The following ZNF514 variants were observed in gnomAD, a reference collection of about 807,000 sequenced individuals.
ZNF514 encodes zinc finger protein 514.
Under a neutral mutation model 9.7 loss-of-function variants are expected in ZNF514, and 12 were observed. The observed-to-expected ratio is 1.24, with a 90% CI of 0.79 to 2.01. ZNF514 has a LOEUF of 2.01. ZNF514 is among the 30% of genes most tolerant of loss of function. ZNF514 has a pLI of 0.00. For missense variants in ZNF514, 467 were observed against 465.5 expected, an observed-to-expected ratio of 1.00 and a Z score of -0.03; for synonymous variants, 158 against 163.7, an observed-to-expected ratio of 0.97 and a Z score of 0.27.
chr2:95,158,482 G>A (rs937953303), intron 1 of ZNF514, among the ~76,000 whole-genome samples: 4 of 152,226 alleles, frequency 2.6e-5, no homozygotes, highest in Non-Finnish European at 4.4e-5. Flanking sequence ...GCTATTGGGG[G>A]AAGGGGCTCA....
chr2:95,133,849 A>G, the ZNF514 span, among the ~76,000 whole-genome samples: 1 of 152,200 alleles, frequency 6.6e-6, no homozygotes, highest in Admixed American at 6.5e-5. Context: ...CCAATCCCTC[A>G]GGGATATTGA....
the ZNF514 span, among the ~76,000 whole-genome samples, chr2:95,125,822 T>C: frequency 6.6e-6 from 1 of 152,362 alleles, no homozygotes; most frequent in East Asian, 1.9e-4. Flanking sequence ...TAATATTCCA[T>C]TGTATGAATA....
chr2:95,126,622 T>C, the ZNF514 span, among the ~76,000 whole-genome samples: 1 of 152,186 alleles, frequency 6.6e-6, no homozygotes, highest in Non-Finnish European at 1.5e-5. Context: ...ATGTTGAATT[T>C]CTTTTCATGT....
Position 95,159,670 on chromosome 2 carries a change from A to ACCCCGCGCCAGCCCGCGTCCG in ZNF514, c.-527_-526insCGGACGCGGGCTGGCGCGGGG, listed in dbSNP as rs1673802014. On this transcript the variant is annotated 5_prime_UTR_variant, in exon 1 of 5. Transcript: ENST00000295208. ...CACCCCGCGCCAGCCCCCGCCCGCC[A>ACCCCGCGCCAGCCCGCGTCCG]CCCCGCGCCAGCCCCCGCGTCCGCC... The ACCCCGCGCCAGCCCGCGTCCG allele has an allele frequency of 4.6e-5, 2 of 43,630 alleles. 1 individual carries two copies. The highest frequency in any genetic ancestry group is 1.5e-3 in the East Asian group (2 of 1,346). 2.7% of individuals were successfully genotyped at this position (43,630 alleles called of 1,614,324 possible).
intron 4 of ZNF514, 74 bp from the exon 5 acceptor site, chr2:95,150,341 C>A: frequency 7.0e-7 from 1 of 1,429,098 alleles, no homozygotes; most frequent in Non-Finnish European, 9.2e-7. Flanking sequence ...AAAGCAAGCT[C>A]CTATAATGAA....
chr2:95,126,528 G>A, the ZNF514 span, among the ~76,000 whole-genome samples: 1 of 152,014 alleles, frequency 6.6e-6, no homozygotes, highest in Non-Finnish European at 1.5e-5. Context: ...AACATTCAGT[G>A]TTATCCCCAT....
the ZNF514 span, among the ~76,000 whole-genome samples, chr2:95,139,297 G>A: frequency 7.2e-5 from 11 of 152,168 alleles, no homozygotes; most frequent in Non-Finnish European, 1.3e-4. Flanking sequence ...GTGGGAAGGG[G>A]GCTATTGCCC....
intron 2 of ZNF514, 29 bp from the exon 3 acceptor site, chr2:95,153,288 A>C (rs1446449749): frequency 6.3e-7 from 1 of 1,595,056 alleles, no homozygotes; most frequent in East Asian, 2.2e-5. Flanking sequence ...TCCAGTGTCC[A>C]CTTATATGCT....
At chr2:95,151,682 T>C (rs1221869311) in intron 4 of ZNF514, among the ~76,000 whole-genome samples, 1 of 152,194 alleles carries the variant, frequency 6.6e-6, no homozygotes, top group African/African-American at 2.4e-5. Context: ...GCCTAACCAG[T>C]GGTCCCAGAG....
chr2:95,136,494 G>A, the ZNF514 span, among the ~76,000 whole-genome samples: 7 of 151,938 alleles, frequency 4.6e-5, no homozygotes, highest in East Asian at 1.9e-4. Flanking sequence ...TGATCCACCC[G>A]CCTCTGCCTC....
downstream of ZNF514, among the ~76,000 whole-genome samples, chr2:95,140,088 C>T (rs1275026930): frequency 6.6e-6 from 1 of 151,736 alleles, no homozygotes; most frequent in African/African-American, 2.4e-5. Flanking sequence ...AGTGAGAACA[C>T]TTGGACACAG....
rs373199790 is a variant in ZNF514, at chr2:95,153,115, T to C, written c.121+18A>G. Reference sequence around the variant, plus strand: ...TCAAGAAGTCCTGCTGGGTGGGCTTTGGAGGGCTTGTGCTCACCCAGAATG... The same window carrying C: ...TCAAGAAGTCCTGCTGGGTGGGCTTCGGAGGGCTTGTGCTCACCCAGAATG... On this transcript the variant is annotated intron_variant, in intron 3 of 4. Coordinates refer to ENST00000295208, the MANE Select transcript of ZNF514 (RefSeq NM_032788.3). 199 of 1,607,058 alleles carry C rather than the reference T, an allele frequency of 1.2e-4. No homozygotes were observed. Among genetic ancestry groups the C allele is most frequent in the Non-Finnish European group, 1.6e-4 (186 of 1,174,838 alleles).
chr2:95,155,204 T>A (rs1673656489), intron 2 of ZNF514: 2 of 152,194 alleles, frequency 1.3e-5, no homozygotes, highest in South Asian at 4.1e-4. Context: ...TTCTCCAGTA[T>A]CATCTTCATA....
the ZNF514 span, among the ~76,000 whole-genome samples, chr2:95,136,259 C>G: frequency 6.6e-6 from 1 of 151,728 alleles, no homozygotes. Context: ...TAAACATCTA[C>G]AATGCTTTTT....
rs1405290720 is a variant in ZNF514, at chr2:95,159,262, G to A, written c.-118C>T. On this transcript the variant is annotated 5_prime_UTR_variant, in exon 1 of 5. Coordinates refer to ENST00000295208, the MANE Select transcript of ZNF514 (RefSeq NM_032788.3). ...TACCCCCGGCTCGGCTCCTCCTCAG[G>A]ACCAGGCTCTGGAACCCAGCTCCCA... 2.2e-5 allele frequency: 4 copies of A among 184,394 alleles called. No homozygotes were observed. The East Asian group carries it at 6.5e-4, about 30-fold the overall frequency. The allele number at this position is 184,394 out of a possible 1,614,324, so 11.4% of individuals were successfully genotyped here.
chr2:95,157,392 C>G lies in ZNF514; in HGVS notation c.-48G>C. Reference sequence around the variant, plus strand: ...AGGAATGAATTGGTTGTTCCCTCTTCTCCTGGGAATCTCTCTGGAGGAAGA... The same window carrying G: ...AGGAATGAATTGGTTGTTCCCTCTTGTCCTGGGAATCTCTCTGGAGGAAGA... On this transcript the variant is annotated 5_prime_UTR_variant, in exon 2 of 5. Coordinates refer to ENST00000295208, the MANE Select transcript of ZNF514 (RefSeq NM_032788.3). 3 of 1,289,718 alleles carry G rather than the reference C, an allele frequency of 2.3e-6. No individual in the cohort carries two copies. The highest frequency in any genetic ancestry group is 3.0e-6 in the Non-Finnish European group (3 of 988,798). The allele number at this position is 1,289,718 out of a possible 1,614,324, so 79.9% of individuals were successfully genotyped here. A position where few individuals can be genotyped will look rare whatever the true frequency, so the allele number is the denominator to read the frequency against.
In ZNF514 at chr2:95,149,855, C is replaced by T; in HGVS notation, c.630G>A (p.Gly210=). 1 of 1,614,190 alleles carries T rather than the reference C, an allele frequency of 6.2e-7. No individual in the cohort carries two copies. The highest frequency in any genetic ancestry group is 8.5e-7 in the Non-Finnish European group (1 of 1,180,036). The change falls in exon 5 of 5, where the codon GGG becomes GGA. Residue 210 remains glycine (G), a synonymous_variant. Coordinates refer to ENST00000295208, the MANE Select transcript of ZNF514 (RefSeq NM_032788.3). ...EKKSCKCNEC[G]KSFHFQSELR... ...GTTCTGACTGGAAGTGAAAGGACTT[C>T]CCACACTCATTACATTTACAAGATT...
At chr2:95,127,190 A>G in the ZNF514 span, among the ~76,000 whole-genome samples, 1 of 152,184 alleles carries the variant, frequency 6.6e-6, no homozygotes, top group Admixed American at 6.5e-5. Flanking sequence ...TAGTGTACCA[A>G]TGCCTTTCCT....
the ZNF514 span, among the ~76,000 whole-genome samples, chr2:95,137,411 A>G: frequency 6.6e-6 from 1 of 152,212 alleles, no homozygotes; most frequent in Non-Finnish European, 1.5e-5. Context: ...TCTCCATTAT[A>G]TTATCCATTA....
Sources: allele counts gnomAD v4.1 joint callset (sites outside exome capture counted in the v4.1 genomes callset), GRCh38; gene constraint gnomAD v4.1.1; transcripts MANE v1.5; gene names NCBI Gene and HGNC (gene_info 2026-07-23, HGNC 2026-07-21).